The following PRTFDC1 variants were observed in gnomAD, a reference collection of about 807,000 sequenced individuals.
PRTFDC1 encodes the protein phosphoribosyl transferase domain containing 1.
A neutral mutation model predicts 34.6 loss-of-function variants in PRTFDC1; 38 were observed. The observed-to-expected ratio is 1.10, with a 90% confidence interval of 0.85 to 1.44. The LOEUF (loss-of-function observed/expected upper bound fraction) is 1.44. Ranked by LOEUF, PRTFDC1 falls within the 40% of genes most tolerant of loss-of-function variation. The pLI is 0.00. For missense variants in PRTFDC1, 270 were observed against 283.0 expected (o/e 0.95, Z 0.33); for synonymous variants, 93 against 98.1 (o/e 0.95, Z 0.31).
intron 3 of PRTFDC1, among the ~76,000 whole-genome samples, chr10:24,890,624 G>C (rs1470658456): frequency 1.3e-5 from 2 of 152,224 alleles, no homozygotes; most frequent in Non-Finnish European, 2.9e-5. Context: ...CAGGGTGGCA[G>C]GGAAGAGGGA....
intron 3 of PRTFDC1, among the ~76,000 whole-genome samples, chr10:24,918,424 AT>A (rs1397855818): frequency 6.6e-6 from 1 of 151,972 alleles, no homozygotes; most frequent in Non-Finnish European, 1.5e-5. Context: ...ATTTTATTTT[AT>A]TTTTATTTTA....
intron 3 of PRTFDC1, among the ~76,000 whole-genome samples, chr10:24,912,810 A>G (rs144739373): frequency 6.6e-6 from 1 of 152,174 alleles, no homozygotes; most frequent in Non-Finnish European, 1.5e-5. Context: ...ACCCACCGTG[A>G]TCCATCAGCT....
At chr10:24,886,634 C>CG (rs1848169074) in intron 3 of PRTFDC1, among the ~76,000 whole-genome samples, 1 of 152,128 alleles carries the variant, frequency 6.6e-6, no homozygotes, top group African/African-American at 2.4e-5. Flanking sequence ...CCCTTACATT[C>CG]GGGGTCTCAT....
chr10:24,896,317 C>G (rs1848362939), intron 3 of PRTFDC1, among the ~76,000 whole-genome samples: 1 of 152,172 alleles, frequency 6.6e-6, no homozygotes, highest in Non-Finnish European at 1.5e-5. Flanking sequence ...TTACGAGAAT[C>G]TAACTAATGC....
Position 24,848,710 on chromosome 10 carries a change from C to T in PRTFDC1, c.*1134G>A, listed in dbSNP as rs1847430809. The T allele has an allele frequency of 6.6e-6, 1 of 151,948 alleles. No individual in the cohort carries two copies. Among genetic ancestry groups the T allele is most frequent in the African/African-American group, 2.4e-5 (1 of 41,368 alleles). The allele number at this position is 151,948 out of a possible 1,614,324, so 9.4% of individuals were successfully genotyped here. A position where few individuals can be genotyped will look rare whatever the true frequency, so the allele number is the denominator to read the frequency against. On this transcript the variant is annotated 3_prime_UTR_variant, in exon 9 of 9. Transcript: ENST00000320152. The stretch of plus-strand genomic sequence containing the variant: ...ACGGTTCAGAACCAAACAAAAGCTG[C>T]TTAGTTATTTATTTTGCATTTGCAT...
At chr10:24,901,343 T>G (rs1848446633) in intron 3 of PRTFDC1, among the ~76,000 whole-genome samples, 1 of 152,180 alleles carries the variant, frequency 6.6e-6, no homozygotes, top group African/African-American at 2.4e-5. Context: ...CCAGCAGGCC[T>G]GAGAGAGTGT....
chr10:24,895,270 T>TTTTTTTTTGG (rs1848333789), intron 3 of PRTFDC1, among the ~76,000 whole-genome samples: 1 of 147,836 alleles, frequency 6.8e-6, no homozygotes, highest in African/African-American at 2.5e-5. Flanking sequence ...TTTTTTTTTT[T>TTTTTTTTTGG]GAGATGGAGT....
intron 3 of PRTFDC1, among the ~76,000 whole-genome samples, chr10:24,872,914 C>A (rs895108870): frequency 6.7e-6 from 1 of 149,324 alleles, no homozygotes; most frequent in Non-Finnish European, 1.5e-5. Context: ...CTCAAGCAAT[C>A]CTTCTGTCTC....
intron 3 of PRTFDC1, among the ~76,000 whole-genome samples, chr10:24,929,036 G>A (rs1407577698): frequency 1.2e-4 from 6 of 49,092 alleles, no homozygotes; most frequent in African/African-American, 4.9e-4. Flanking sequence ...GGCAGACTCC[G>A]TCTCAAAAAA....
chr10:24,946,028 G>A lies in PRTFDC1; in HGVS notation c.49-3592C>T, dbSNP rs371780329. Reference sequence around the variant, plus strand: ...CAGGCCCCAGGGGGATCATCCAGGTGTACAGCACTTTCTGGATCACCTTCC... The same window carrying A: ...CAGGCCCCAGGGGGATCATCCAGGTATACAGCACTTTCTGGATCACCTTCC... On this transcript the variant is annotated intron_variant, in intron 1 of 8. Coordinates refer to ENST00000320152, the MANE Select transcript of PRTFDC1 (RefSeq NM_020200.7). Among the ~76,000 whole-genome samples, 4 of 152,180 alleles carry A rather than the reference G, an allele frequency of 2.6e-5. No individual in the cohort carries two copies. In the East Asian group the frequency reaches 7.7e-4, roughly 29 times the overall value.
At chr10:24,861,628 CA>C (rs1467288936) in intron 4 of PRTFDC1, among the ~76,000 whole-genome samples, 1 of 151,960 alleles carries the variant, frequency 6.6e-6, no homozygotes, top group African/African-American at 2.4e-5. Context: ...TTCCCAGAGA[CA>C]GTCACTTTTA....
At chr10:24,858,526 T>A in intron 4 of PRTFDC1, 117 bp from the exon 5 acceptor site, 1 of 1,010,564 alleles carries the variant, frequency 9.9e-7, no homozygotes, top group Non-Finnish European at 1.5e-6. Flanking sequence ...TCCTTCCCCA[T>A]CCATCTAATT....
chr10:24,854,618 G>A lies in PRTFDC1; in HGVS notation c.553+700C>T, dbSNP rs567926140. 3.3e-5 allele frequency among the ~76,000 whole-genome samples: 5 copies of A among 152,292 alleles called. No homozygotes were observed. The South Asian group carries it at 1.0e-3, about 32-fold the overall frequency. ...TTAGAATAATAAATAATTAGGCTGC[G>A]TGTTTATCCTTCTTGGTGTTAGAAC... On this transcript the variant is annotated intron_variant, in intron 7 of 8. Transcript: ENST00000320152.
chr10:24,908,746 G>T, intron 3 of PRTFDC1: 4 of 1,499,346 alleles, frequency 2.7e-6, no homozygotes, highest in Non-Finnish European at 3.6e-6. Flanking sequence ...TAGCCAGCCC[G>T]ATCAGCCTGA....
At chr10:24,864,721 G>C (rs2132502167) in intron 4 of PRTFDC1, among the ~76,000 whole-genome samples, 1 of 152,252 alleles carries the variant, frequency 6.6e-6, no homozygotes, top group Non-Finnish European at 1.5e-5. Context: ...CTTTATCGTG[G>C]TGATCTGAAA....
chr10:24,863,725 T>A (rs1847724600), intron 4 of PRTFDC1, among the ~76,000 whole-genome samples: 4 of 151,350 alleles, frequency 2.6e-5, no homozygotes. Flanking sequence ...TTAACATGAG[T>A]AGGAGTTTGG....
At chr10:24,878,261 A>C (rs1848001633) in intron 3 of PRTFDC1, among the ~76,000 whole-genome samples, 1 of 150,218 alleles carries the variant, frequency 6.7e-6, no homozygotes. Context: ...CAACAGAGCA[A>C]GACTGTATTA....
chr10:24,925,398 C>A lies in PRTFDC1; in HGVS notation c.339+11786G>T, dbSNP rs553628270. On this transcript the variant is annotated intron_variant, in intron 3 of 8. Coordinates refer to ENST00000320152, the MANE Select transcript of PRTFDC1 (RefSeq NM_020200.7). ...ATGTCGAGTCAATGGGTGCAGCAAA[C>A]CAACATGGCACATGTATACCTATGT... Among the ~76,000 whole-genome samples the A allele has an allele frequency of 3.9e-5, 6 of 152,172 alleles. No individual in the cohort carries two copies. The South Asian group carries it at 1.2e-3, about 32-fold the overall frequency.
At chr10:24,892,564 G>GA (rs1057438556) in intron 3 of PRTFDC1, among the ~76,000 whole-genome samples, 3 of 151,974 alleles carry the variant, frequency 2.0e-5, no homozygotes, top group East Asian at 1.9e-4. Context: ...CATAGAAACA[G>GA]AAAAAATAAT....
Sources: gnomAD v4.1 joint callset for allele counts (sites outside exome capture counted in the v4.1 genomes callset) on GRCh38, gnomAD v4.1.1 for gene constraint, MANE v1.5 for transcripts, NCBI Gene and HGNC (gene_info 2026-07-23, HGNC 2026-07-21) for gene names.